Variants in SPIDR observed in about 807,000 individuals in gnomAD.
SPIDR encodes the protein scaffold protein involved in DNA repair.
A neutral mutation model predicts 104.6 loss-of-function variants in SPIDR; 93 were observed. That is an observed-to-expected ratio of 0.89 (90% CI 0.75 to 1.06). The LOEUF (loss-of-function observed/expected upper bound fraction) is 1.06. Among genes scored for constraint, SPIDR ranks in the 50% least tolerant of loss-of-function variants. The probability of loss-of-function intolerance (pLI) is 0.00; values close to 1 mark genes in which losing one functional copy is unlikely to be tolerated. For synonymous variants in SPIDR, 431 were observed against 416.9 expected, an observed-to-expected ratio of 1.03 and a Z score of -0.41; for missense variants, 1,154 against 1,111.2, an observed-to-expected ratio of 1.04 and a Z score of -0.55.
intron 5 of SPIDR, among the ~76,000 whole-genome samples, chr8:47,374,840 G>T (rs1298937578): frequency 6.6e-6 from 1 of 152,072 alleles, no homozygotes; most frequent in East Asian, 1.9e-4. Context: ...CAGATCACTT[G>T]AAGTTAGGAA....
At chr8:47,363,199 CTTTTT>C (rs34705214) in intron 5 of SPIDR, among the ~76,000 whole-genome samples, 4 of 79,692 alleles carry the variant, frequency 5.0e-5, no homozygotes, top group African/African-American at 1.1e-4. Flanking sequence ...CTTTATCTCT[CTTTTT>C]TTTTTTTTTT....
chr8:47,674,514 A>AG (rs2076180227), intron 11 of SPIDR, among the ~76,000 whole-genome samples: 1 of 152,160 alleles, frequency 6.6e-6, no homozygotes. Flanking sequence ...GAAAAAAAAA[A>AG]GAAACATTTT....
chr8:47,475,077 A>AC (rs2076131602), intron 8 of SPIDR, among the ~76,000 whole-genome samples: 1 of 152,250 alleles, frequency 6.6e-6, no homozygotes, highest in Admixed American at 6.5e-5. Flanking sequence ...ATTTTCTTCA[A>AC]CTACTAACAT....
At chr8:47,280,052 C>G in intron 2 of SPIDR, 35 bp downstream of exon 2, 1 of 1,600,518 alleles carries the variant, frequency 6.2e-7, no homozygotes, top group Non-Finnish European at 8.5e-7. Flanking sequence ...CCCTGAATGC[C>G]AAAGAGGAAA....
intron 7 of SPIDR, among the ~76,000 whole-genome samples, chr8:47,439,557 G>A (rs1477495931): frequency 1.3e-5 from 2 of 152,210 alleles, no homozygotes; most frequent in African/African-American, 2.4e-5. Flanking sequence ...ACGCTGAGAT[G>A]TGTATCCTTG....
chr8:47,294,698 G>C (rs1020620289), intron 5 of SPIDR, among the ~76,000 whole-genome samples: 1 of 152,100 alleles, frequency 6.6e-6, no homozygotes, highest in Admixed American at 6.6e-5. Context: ...TGGTGCGATC[G>C]TAGCTCACTG....
At chr8:47,667,251 A>T (rs1236193613) in intron 10 of SPIDR, among the ~76,000 whole-genome samples, 1 of 152,140 alleles carries the variant, frequency 6.6e-6, no homozygotes, top group Non-Finnish European at 1.5e-5. Context: ...ATTGCACTCC[A>T]GCCTGGGCAA....
chr8:47,311,712 C>T (rs1429381720), intron 5 of SPIDR, among the ~76,000 whole-genome samples: 1 of 145,460 alleles, frequency 6.9e-6, no homozygotes, highest in African/African-American at 2.5e-5. Flanking sequence ...TAGCTGACTT[C>T]TTTTTTTTTT....
intron 8 of SPIDR, among the ~76,000 whole-genome samples, chr8:47,567,967 A>G (rs918050978): frequency 2.0e-5 from 3 of 151,690 alleles, no homozygotes; most frequent in Non-Finnish European, 4.4e-5. Context: ...AATAATTTTT[A>G]TGTAGAGATG....
intron 8 of SPIDR, chr8:47,511,307 C>G: frequency 6.7e-6 from 9 of 1,351,420 alleles, no homozygotes; most frequent in African/African-American, 1.4e-5. Flanking sequence ...GCTTTGGCTT[C>G]ATTTTCTGCC....
chr8:47,344,700 T>C (rs1587388896), intron 5 of SPIDR, among the ~76,000 whole-genome samples: 1 of 152,254 alleles, frequency 6.6e-6, no homozygotes. Context: ...GGTTTTGATT[T>C]GTATTTCTCT....
intron 19 of SPIDR, among the ~76,000 whole-genome samples, chr8:47,729,871 A>G (rs1187219810): frequency 6.6e-6 from 1 of 152,144 alleles, no homozygotes; most frequent in Non-Finnish European, 1.5e-5. Context: ...GGCATGAGCC[A>G]CCACTCCCAG....
intron 10 of SPIDR, among the ~76,000 whole-genome samples, chr8:47,609,961 G>A (rs556165843): frequency 1.3e-5 from 2 of 152,222 alleles, no homozygotes; most frequent in East Asian, 3.9e-4. Context: ...ATGAAGTTTT[G>A]GTAATAGAAT....
At chr8:47,395,041 C>T (rs1563836386) in intron 5 of SPIDR, among the ~76,000 whole-genome samples, 1 of 151,972 alleles carries the variant, frequency 6.6e-6, no homozygotes, top group Admixed American at 6.6e-5. Flanking sequence ...TGGATGGTTC[C>T]TTTTTTTGAC....
At chr8:47,334,011 A>G (rs1554606653) in intron 5 of SPIDR, among the ~76,000 whole-genome samples, 1 of 152,244 alleles carries the variant, frequency 6.6e-6, no homozygotes, top group East Asian at 1.9e-4. Flanking sequence ...AAACGTTTAT[A>G]AATTTCTCAT....
chr8:47,543,178 A>G (rs1163680468), intron 8 of SPIDR, among the ~76,000 whole-genome samples: 4 of 152,206 alleles, frequency 2.6e-5, no homozygotes, highest in Admixed American at 6.5e-5. Context: ...TTTCTGGGAT[A>G]AATACCCAAG....
chr8:47,273,519 C>A (rs1036258834), intron 1 of SPIDR, among the ~76,000 whole-genome samples: 2 of 152,272 alleles, frequency 1.3e-5, no homozygotes, highest in Non-Finnish European at 2.9e-5. Context: ...GGCGAACCAC[C>A]CTCCCAGTAC....
intron 5 of SPIDR, among the ~76,000 whole-genome samples, chr8:47,314,761 C>T (rs10105470): frequency 6.6e-6 from 1 of 152,086 alleles, no homozygotes; most frequent in Admixed American, 6.5e-5. Flanking sequence ...GTAAAGAAAA[C>T]AAATAGCAAA....
intron 7 of SPIDR, among the ~76,000 whole-genome samples, chr8:47,438,606 C>T (rs1554694094): frequency 6.6e-6 from 1 of 152,182 alleles, no homozygotes; most frequent in African/African-American, 2.4e-5. Context: ...GGTTTCATTC[C>T]TCTGTTCCCT....
Sources: gnomAD v4.1 joint callset for allele counts (sites outside exome capture counted in the v4.1 genomes callset) on GRCh38, gnomAD v4.1.1 for gene constraint, MANE v1.5 for transcripts, NCBI Gene and HGNC (gene_info 2026-07-23, HGNC 2026-07-21) for gene names.